Variants in CSMD3 observed in about 807,000 individuals in gnomAD.
CSMD3 encodes the protein CUB and sushi domain-containing protein 3.
Under a neutral mutation model 435.2 loss-of-function variants are expected in CSMD3, and 177 were observed. The ratio of observed to expected loss-of-function variants is 0.41; its 90% CI spans 0.36 to 0.46. The LOEUF (loss-of-function observed/expected upper bound fraction) is 0.46. Ranked by LOEUF, CSMD3 falls within the 20% of genes least tolerant of loss-of-function variation. CSMD3 has a pLI of 0.34. For missense variants in CSMD3, 4,265 were observed against 4,504.6 expected (o/e 0.95, Z 1.52); for synonymous variants, 1,656 against 1,520.5 (o/e 1.09, Z -2.07).
intron 3 of CSMD3, among the ~76,000 whole-genome samples, chr8:113,243,584 T>G (rs1443378171): frequency 1.3e-5 from 2 of 152,044 alleles, no homozygotes; most frequent in East Asian, 3.9e-4. Flanking sequence ...CATGTACAAG[T>G]TTTTGTTTGT....
chr8:112,687,885 T>C (rs1353459171), intron 14 of CSMD3, among the ~76,000 whole-genome samples: 2 of 152,124 alleles, frequency 1.3e-5, no homozygotes, highest in East Asian at 3.9e-4. Context: ...ACTTCCAAAA[T>C]GGGTGCACAC....
intron 63 of CSMD3, 126 bp downstream of exon 63, chr8:112,254,126 CT>C: frequency 2.5e-6 from 2 of 785,648 alleles, no homozygotes; most frequent in Non-Finnish European, 4.5e-6. Flanking sequence ...GTCTGTTACC[CT>C]TTTTATGTGT....
Position 112,517,113 on chromosome 8 carries a change from T to C in CSMD3, c.4677A>G (p.Glu1559=), listed in dbSNP as rs774408429. 19 of 1,613,790 alleles carry C rather than the reference T, an allele frequency of 1.2e-5. No homozygotes were observed. In the Admixed American group the frequency reaches 2.5e-4, roughly 21 times the overall value. ...AGGTTATTCTTTCCTCTCCTTGAAG[T>C]TCATATCCTGGGTCACATTGAAAAA... The part of the protein sequence containing the change: ...TVVFQCDPGY[E]LQGEERITCI... The change falls in exon 28 of 71, where the codon GAA becomes GAG. Residue 1559 remains glutamate, a synonymous_variant. Transcript: ENST00000297405.
chr8:113,257,896 A>T (rs7833144), intron 3 of CSMD3, among the ~76,000 whole-genome samples: 45,735 of 151,676 alleles, frequency 0.3, 8,149 homozygotes, highest in African/African-American at 0.5. Flanking sequence ...TAAGAAAAAA[A>T]TTTTTTTTAA....
intron 24 of CSMD3, among the ~76,000 whole-genome samples, chr8:112,559,006 A>G (rs1354282119): frequency 6.6e-6 from 1 of 151,858 alleles, no homozygotes; most frequent in Non-Finnish European, 1.5e-5. Flanking sequence ...CTCACAGGAA[A>G]AAAAATAGAG....
chr8:113,165,486 G>A (rs991675669), intron 4 of CSMD3, among the ~76,000 whole-genome samples: 5 of 151,972 alleles, frequency 3.3e-5, no homozygotes, highest in African/African-American at 1.2e-4. Flanking sequence ...AGAAACAAAA[G>A]ACTCAAAGTT....
chr8:112,370,474 A>G (rs1828282068), intron 38 of CSMD3, among the ~76,000 whole-genome samples: 1 of 152,196 alleles, frequency 6.6e-6, no homozygotes, highest in Non-Finnish European at 1.5e-5. Flanking sequence ...AGTCCTTACA[A>G]TGGCTTATAA....
rs550910065 is a variant in CSMD3 at position 112,810,745 on chromosome 8, T to C, written c.1860-10471A>G. On this transcript the variant is annotated intron_variant, in intron 12 of 70. Transcript: ENST00000297405. ...AAAGTCCTAGATTATCTTATAAATGTAATATTACTTACGTGATTGATGAAA... is the reference window on the plus strand; with the variant it reads ...AAAGTCCTAGATTATCTTATAAATGCAATATTACTTACGTGATTGATGAAA... Among the ~76,000 whole-genome samples, 3 of 152,238 alleles carry C rather than the reference T, an allele frequency of 2.0e-5. No homozygotes were observed. In the East Asian group the frequency reaches 5.8e-4, roughly 29 times the overall value.
intron 32 of CSMD3, among the ~76,000 whole-genome samples, chr8:112,442,987 G>C (rs1815202632): frequency 6.6e-6 from 1 of 152,082 alleles, no homozygotes; most frequent in African/African-American, 2.4e-5. Context: ...ACTGTTTTTG[G>C]GGGTCTCTAG....
intron 40 of CSMD3, among the ~76,000 whole-genome samples, chr8:112,346,709 C>A (rs1188877415): frequency 1.0e-5 from 1 of 99,958 alleles, no homozygotes; most frequent in African/African-American, 4.3e-5. Context: ...GAGAAGGAGT[C>A]TCTCTGTCAC....
At position 112,557,013 on chromosome 8, in the gene CSMD3, A is replaced by T. The variant is rs928552995; in HGVS notation, c.4043-59T>A. On this transcript the variant is annotated intron_variant, in intron 24 of 70. Coordinates refer to ENST00000297405, the MANE Select transcript of CSMD3 (RefSeq NM_198123.2). Reference sequence around the variant, plus strand: ...ATTTAGGAGGAGGATTTAAATCTATACAAATCATTCCTTTCCTTTACTATT... The same window carrying T: ...ATTTAGGAGGAGGATTTAAATCTATTCAAATCATTCCTTTCCTTTACTATT... The T allele has an allele frequency of 1.1e-4, 117 of 1,019,048 alleles. No homozygotes were observed. In the East Asian group the frequency reaches 2.7e-3, roughly 24 times the overall value. The allele number at this position is 1,019,048 out of a possible 1,614,324, so 63.1% of individuals were successfully genotyped here.
intron 11 of CSMD3, among the ~76,000 whole-genome samples, chr8:112,839,428 G>T (rs912213200): frequency 1.3e-5 from 2 of 151,636 alleles, no homozygotes; most frequent in East Asian, 1.9e-4. Context: ...CAAAACCATT[G>T]GTTCCTTTCC....
intron 38 of CSMD3, among the ~76,000 whole-genome samples, chr8:112,357,629 G>T (rs1216942090): frequency 6.6e-6 from 1 of 152,178 alleles, no homozygotes; most frequent in South Asian, 2.1e-4. Context: ...CAGGCCCAGG[G>T]TCCCCATGCT....
At chr8:112,622,823 A>G (rs1157754614) in intron 22 of CSMD3, among the ~76,000 whole-genome samples, 1 of 152,166 alleles carries the variant, frequency 6.6e-6, no homozygotes, top group Non-Finnish European at 1.5e-5. Flanking sequence ...ATGGGTTGAT[A>G]CATGCAAATC....
At chr8:112,700,182 T>C (rs2076357989) in intron 13 of CSMD3, among the ~76,000 whole-genome samples, 1 of 152,150 alleles carries the variant, frequency 6.6e-6, no homozygotes, top group Non-Finnish European at 1.5e-5. Flanking sequence ...AAAACATGTC[T>C]GCAAATTATT....
At chr8:113,347,694 G>A (rs1052789519) in intron 1 of CSMD3, among the ~76,000 whole-genome samples, 2 of 152,080 alleles carry the variant, frequency 1.3e-5, no homozygotes, top group African/African-American at 2.4e-5. Flanking sequence ...TTAGTTTAAC[G>A]GCAGTGACAG....
intron 22 of CSMD3, among the ~76,000 whole-genome samples, chr8:112,629,110 C>A (rs2074437191): frequency 6.6e-6 from 1 of 152,150 alleles, no homozygotes; most frequent in Non-Finnish European, 1.5e-5. Flanking sequence ...TGAACGATGA[C>A]AGGGTAATGG....
intron 37 of CSMD3, among the ~76,000 whole-genome samples, chr8:112,382,919 A>T (rs1829608319): frequency 6.6e-6 from 1 of 152,228 alleles, no homozygotes. Flanking sequence ...TGGACCCAGG[A>T]GGCAGAGGTT....
At chr8:113,434,613 T>C (rs940883450) in intron 1 of CSMD3, among the ~76,000 whole-genome samples, 1 of 152,128 alleles carries the variant, frequency 6.6e-6, no homozygotes, top group Non-Finnish European at 1.5e-5. Context: ...TTTATTGACA[T>C]TGAAAAAAAA....
Sources: allele counts gnomAD v4.1 joint callset (sites outside exome capture counted in the v4.1 genomes callset), GRCh38; gene constraint gnomAD v4.1.1; transcripts MANE v1.5; gene names NCBI Gene and HGNC (gene_info 2026-07-23, HGNC 2026-07-21).